MAGI1: variants seen among roughly 807,000 people sequenced by gnomAD.
MAGI1 encodes membrane associated guanylate kinase, WW and PDZ domain containing 1.
A neutral mutation model predicts 139.9 loss-of-function variants in MAGI1; 58 were observed. The ratio of observed to expected loss-of-function variants is 0.41; its 90% confidence interval spans 0.34 to 0.52. The LOEUF (loss-of-function observed/expected upper bound fraction) is 0.52. Ranked by LOEUF, MAGI1 falls within the 20% of genes least tolerant of loss-of-function variation. The pLI, the probability that MAGI1 is intolerant of heterozygous loss-of-function variation, is 0.12. For missense variants in MAGI1, 1,874 were observed against 1,901.6 expected (o/e 0.99, Z 0.27); for synonymous variants, 812 against 737.9 (o/e 1.10, Z -1.63).
At chr3:65,647,259 C>T (rs1022749956) in intron 1 of MAGI1, among the ~76,000 whole-genome samples, 1 of 152,142 alleles carries the variant, frequency 6.6e-6, no homozygotes, top group African/African-American at 2.4e-5. Flanking sequence ...CATTTGACAA[C>T]TGAGATGAAA....
intron 1 of MAGI1, among the ~76,000 whole-genome samples, chr3:65,967,506 G>C (rs1576297618): frequency 1.3e-5 from 2 of 152,164 alleles, no homozygotes; most frequent in Admixed American, 6.5e-5. Flanking sequence ...ACAGATTCCA[G>C]TTACAGGTTG....
chr3:65,696,994 A>G (rs937376456), intron 1 of MAGI1, among the ~76,000 whole-genome samples: 2 of 152,226 alleles, frequency 1.3e-5, no homozygotes, highest in Non-Finnish European at 2.9e-5. Context: ...AATAAAGAAG[A>G]AAAGAGAGAA....
Position 65,429,520 on chromosome 3 carries a change from C to T in MAGI1, c.2167G>A (p.Gly723Arg). The change falls in exon 12 of 23, where the codon GGG becomes AGG. Residue 723 changes from glycine (G) to arginine (R), a missense_variant and splice_region_variant. By Grantham distance (125) the Gly-to-Arg change is moderately radical (BLOSUM62 -2). Transcript: ENST00000402939. Reference protein sequence around the residue: ...SEVTLLVQRGGLPVPKKSPKS... With the variant: ...SEVTLLVQRGRLPVPKKSPKS... The stretch of plus-strand genomic sequence containing the variant: ...CAAAGAACAAAACAACCCTACTTAC[C>T]TCCTCGTTGCACCAACAATGTGACC... The T allele has an allele frequency of 6.2e-7, 1 of 1,604,204 alleles. No homozygotes were observed.
At chr3:65,881,467 A>AT (rs1472208057) in intron 1 of MAGI1, among the ~76,000 whole-genome samples, 3 of 151,948 alleles carry the variant, frequency 2.0e-5, no homozygotes, top group African/African-American at 7.2e-5. Context: ...TCTCTAAAAA[A>AT]TTTTTTGTAA....
intron 2 of MAGI1, among the ~76,000 whole-genome samples, chr3:65,497,362 A>C (rs1952532044): frequency 6.6e-6 from 1 of 152,188 alleles, no homozygotes. Flanking sequence ...ATAGGAGCAA[A>C]GGAGGAGGGT....
intron 1 of MAGI1, among the ~76,000 whole-genome samples, chr3:65,649,895 G>C (rs560958833): frequency 1.8e-4 from 27 of 152,286 alleles, no homozygotes; most frequent in African/African-American, 6.3e-4. Context: ...CTCATACGCT[G>C]CCTGTGGGGA....
At chr3:65,795,450 T>A (rs1358871866) in intron 1 of MAGI1, among the ~76,000 whole-genome samples, 1 of 152,178 alleles carries the variant, frequency 6.6e-6, no homozygotes, top group Non-Finnish European at 1.5e-5. Context: ...ACATACTGTG[T>A]CATTCCATTT....
rs537565860 is a variant in MAGI1 at position 65,812,195 on chromosome 3, G to A, written c.314-190107C>T. Among the ~76,000 whole-genome samples, 158 of 152,108 alleles carry A rather than the reference G, an allele frequency of 1.0e-3. 1 individual carries two copies. The highest frequency in any genetic ancestry group is 6.8e-3 in the Middle Eastern group (2 of 294). ...ACTTTTTTTAAGTGTAGGAAGAAAAGAATAATATACCACCAACCTGACTAA... is the reference window on the plus strand; with the variant it reads ...ACTTTTTTTAAGTGTAGGAAGAAAAAAATAATATACCACCAACCTGACTAA... On this transcript the variant is annotated intron_variant, in intron 1 of 22. Transcript: ENST00000402939.
At chr3:65,828,765 G>A (rs1305522314) in intron 1 of MAGI1, among the ~76,000 whole-genome samples, 5 of 152,110 alleles carry the variant, frequency 3.3e-5, no homozygotes, top group Non-Finnish European at 5.9e-5. Context: ...TTACCTAGTC[G>A]GGCGGATCTA....
intron 1 of MAGI1, among the ~76,000 whole-genome samples, chr3:65,986,870 A>ATTT (rs57745762): frequency 2.3e-4 from 32 of 137,458 alleles, no homozygotes; most frequent in African/African-American, 5.6e-4. Flanking sequence ...TAAGGAAGGG[A>ATTT]TTTTTTTTTT....
chr3:65,733,955 T>A (rs966969045), intron 1 of MAGI1, among the ~76,000 whole-genome samples: 6 of 152,214 alleles, frequency 3.9e-5, no homozygotes, highest in African/African-American at 1.4e-4. Context: ...ATTCCTGCTC[T>A]AATTCTGAGT....
At chr3:65,707,542 TAGTC>T (rs1246702804) in intron 1 of MAGI1, among the ~76,000 whole-genome samples, 8 of 151,800 alleles carry the variant, frequency 5.3e-5, no homozygotes, top group African/African-American at 7.3e-5. Context: ...ATTTTTTAAA[TAGTC>T]AGGCATGGTT....
chr3:65,960,198 T>A (rs866741503), intron 1 of MAGI1, among the ~76,000 whole-genome samples: 39 of 152,108 alleles, frequency 2.6e-4, no homozygotes, highest in African/African-American at 9.2e-4. Context: ...GTTTCCGGAG[T>A]GATTTAAACT....
rs967894299 is a variant in MAGI1 at position 65,994,072 on chromosome 3, G to A, written c.313+43924C>T. ...GCAGATCACTAAAGGTCTGGAGTTC[G>A]AGACCAGCCTGGCCAACATGGTGAA... On this transcript the variant is annotated intron_variant, in intron 1 of 22. Coordinates refer to ENST00000402939, the MANE Select transcript of MAGI1 (RefSeq NM_001033057.2). 7.2e-5 allele frequency among the ~76,000 whole-genome samples: 11 copies of A among 152,172 alleles called. No individual in the cohort carries two copies. The South Asian group carries it at 8.3e-4, about 11-fold the overall frequency.
intron 1 of MAGI1, among the ~76,000 whole-genome samples, chr3:65,997,611 G>A (rs924277460): frequency 1.9e-4 from 29 of 152,146 alleles, no homozygotes; most frequent in South Asian, 2.1e-4. Context: ...AGCCGAGATC[G>A]CGCCACTGCA....
chr3:65,664,583 T>A (rs1483175150), intron 1 of MAGI1, among the ~76,000 whole-genome samples: 1 of 152,204 alleles, frequency 6.6e-6, no homozygotes, highest in Admixed American at 6.5e-5. Context: ...AGAAAAATAG[T>A]CAATCTTCAC....
chr3:65,784,826 CTGAAACAAGA>C (rs2108030611), intron 1 of MAGI1, among the ~76,000 whole-genome samples: 1 of 152,232 alleles, frequency 6.6e-6, no homozygotes, highest in South Asian at 2.1e-4. Context: ...TGGATGAATC[CTGAAACAAGA>C]TAAGGTGGAG....
chr3:65,487,781 A>T (rs1450494706), intron 3 of MAGI1, among the ~76,000 whole-genome samples: 3 of 152,222 alleles, frequency 2.0e-5, no homozygotes, highest in Non-Finnish European at 4.4e-5. Flanking sequence ...TTCTTTTTTA[A>T]AGGAGCTTAA....
chr3:65,884,927 T>G (rs35435632), intron 1 of MAGI1, among the ~76,000 whole-genome samples: 2,933 of 152,214 alleles, frequency 0.019, 40 homozygotes, highest in Non-Finnish European at 0.031. Context: ...ACCAAGTAAT[T>G]CCACATGTAA....
Sources: allele counts gnomAD v4.1 joint callset (sites outside exome capture counted in the v4.1 genomes callset), GRCh38; gene constraint gnomAD v4.1.1; transcripts MANE v1.5; gene names NCBI Gene and HGNC (gene_info 2026-07-23, HGNC 2026-07-21).